SYT9: variants seen among roughly 807,000 people sequenced by gnomAD.
The protein encoded by SYT9 is synaptotagmin-9.
Under a neutral mutation model 48.4 loss-of-function variants are expected in SYT9, and 22 were observed. The observed-to-expected ratio is 0.45, with a 90% CI of 0.32 to 0.65. The LOEUF is 0.65. Ranked by LOEUF, SYT9 falls within the 30% of genes least tolerant of loss-of-function variation. The probability of loss-of-function intolerance (pLI) is 0.03; values close to 1 mark genes in which losing one functional copy is unlikely to be tolerated. For missense variants in SYT9, 577 were observed against 622.0 expected (o/e 0.93, Z 0.77); for synonymous variants, 265 against 245.0 (o/e 1.08, Z -0.76).
At chr11:7,351,181 T>C (rs1327745590) in intron 3 of SYT9, among the ~76,000 whole-genome samples, 1 of 152,242 alleles carries the variant, frequency 6.6e-6, no homozygotes, top group Non-Finnish European at 1.5e-5. Context: ...TGGTTAAGTA[T>C]CATGAACTTT....
At chr11:7,341,083 C>A (rs1196559880) in intron 3 of SYT9, among the ~76,000 whole-genome samples, 1 of 152,194 alleles carries the variant, frequency 6.6e-6, no homozygotes, top group Non-Finnish European at 1.5e-5. Flanking sequence ...AAAACACCAG[C>A]AGAGGTGCTT....
Position 7,252,407 on chromosome 11 carries a change from C to G in SYT9, c.145+76C>G. On this transcript the variant is annotated intron_variant, in intron 1 of 6. Transcript: ENST00000318881. The surrounding 1 kb of genome is among the most constrained non-coding windows in gnomAD (Gnocchi z 6.3). Reference sequence around the variant, plus strand: ...CTTGGGGCCGCACCGGGGCCTGAGGCAGAACAGCGACGCGGACTGGGAGAG... The same window carrying G: ...CTTGGGGCCGCACCGGGGCCTGAGGGAGAACAGCGACGCGGACTGGGAGAG... 7.5e-7 allele frequency: 1 copy of G among 1,335,642 alleles called. No homozygotes were observed. The highest frequency in any genetic ancestry group is 9.6e-7 in the Non-Finnish European group (1 of 1,041,878). 82.7% of individuals were successfully genotyped at this position (1,335,642 alleles called of 1,614,324 possible).
intron 1 of SYT9, among the ~76,000 whole-genome samples, chr11:7,292,926 C>T (rs546239614): frequency 4.1e-4 from 63 of 152,266 alleles, no homozygotes; most frequent in Non-Finnish European, 6.9e-4. Context: ...ATTCCTGAAC[C>T]TTCCTGTTAG....
chr11:7,416,998 GA>G lies in SYT9; in HGVS notation c.1165+846del, dbSNP rs36070110. Among the ~76,000 whole-genome samples the G allele has an allele frequency of 2.9e-3, 437 of 148,576 alleles. 1 individual carries two copies. The highest frequency in any genetic ancestry group is 9.6e-3 in the African/African-American group (389 of 40,556). ...AGCATTAAATTCTGAACTCTAACAA[GA>G]AAAAAAAAATGCCTCTATATGCATT... On this transcript the variant is annotated intron_variant, in intron 4 of 6. Coordinates refer to ENST00000318881, the MANE Select transcript of SYT9 (RefSeq NM_175733.4).
At chr11:7,313,268 CAA>C in intron 2 of SYT9, 125 bp from the exon 3 acceptor site, 1 of 971,876 alleles carries the variant, frequency 1.0e-6, no homozygotes, top group African/African-American at 1.7e-5. Flanking sequence ...CACACACACA[CAA>C]AAAAGGCCCA....
intron 2 of SYT9, 145 bp downstream of exon 2, chr11:7,303,535 G>A (rs1324730965): frequency 1.4e-6 from 1 of 721,434 alleles, no homozygotes; most frequent in East Asian, 2.7e-5. Flanking sequence ...AAAACTCCAT[G>A]CTTCCTACGC....
At chr11:7,347,976 T>G (rs1043923750) in intron 3 of SYT9, among the ~76,000 whole-genome samples, 3 of 152,170 alleles carry the variant, frequency 2.0e-5, no homozygotes, top group African/African-American at 7.2e-5. Context: ...CTAGCTACAT[T>G]TATTTCCCTC....
At chr11:7,315,749 G>A (rs1849232345) in intron 3 of SYT9, among the ~76,000 whole-genome samples, 1 of 152,166 alleles carries the variant, frequency 6.6e-6, no homozygotes, top group Admixed American at 6.5e-5. Flanking sequence ...GCAGGTGATG[G>A]AGACCTTCTG....
chr11:7,443,239 C>T (rs958441562), intron 6 of SYT9, among the ~76,000 whole-genome samples: 6 of 152,198 alleles, frequency 3.9e-5, no homozygotes. Flanking sequence ...AAGCACCCTA[C>T]CTGGCACTGA....
chr11:7,396,122 T>C (rs2134067815), intron 3 of SYT9, among the ~76,000 whole-genome samples: 1 of 152,238 alleles, frequency 6.6e-6, no homozygotes, highest in African/African-American at 2.4e-5. Context: ...TAACCAATTT[T>C]AAGCATATAA....
At chr11:7,359,873 A>G (rs1471378467) in intron 3 of SYT9, among the ~76,000 whole-genome samples, 2 of 151,998 alleles carry the variant, frequency 1.3e-5, no homozygotes, top group African/African-American at 4.8e-5. Flanking sequence ...TGATTTGTCA[A>G]TTTTGGCTTT....
intron 1 of SYT9, among the ~76,000 whole-genome samples, chr11:7,257,477 A>C (rs1039257634): frequency 6.6e-6 from 1 of 152,204 alleles, no homozygotes; most frequent in African/African-American, 2.4e-5. Flanking sequence ...ATGTTAAATT[A>C]TAATGAAGTC....
intron 3 of SYT9, among the ~76,000 whole-genome samples, chr11:7,340,514 C>T (rs1392894619): frequency 6.6e-6 from 1 of 152,170 alleles, no homozygotes; most frequent in Non-Finnish European, 1.5e-5. Flanking sequence ...TGCTGGGCTG[C>T]TTCTGATTGA....
At chr11:7,251,127 CACACA>C (rs372789924), upstream of SYT9, among the ~76,000 whole-genome samples, 12,283 of 150,842 alleles carry the variant, frequency 0.081, 641 homozygotes, top group South Asian at 0.19. Context: ...CACACACACA[CACACA>C]CCCAGAGTAC....
At chr11:7,335,020 G>GTGTATGTC (rs976111241) in intron 3 of SYT9, among the ~76,000 whole-genome samples, 2 of 152,134 alleles carry the variant, frequency 1.3e-5, no homozygotes, top group Non-Finnish European at 2.9e-5. Context: ...TAGATGGTAG[G>GTGTATGTC]TGTATGTCTA....
At chr11:7,349,763 G>T (rs1253657159) in intron 3 of SYT9, among the ~76,000 whole-genome samples, 2 of 152,182 alleles carry the variant, frequency 1.3e-5, no homozygotes, top group Non-Finnish European at 2.9e-5. Flanking sequence ...GTATAGAAGG[G>T]TTCATTACTC....
chr11:7,434,430 A>G lies in SYT9; in HGVS notation c.1467+13795A>G, dbSNP rs1847664559. Among the ~76,000 whole-genome samples, 4 of 152,290 alleles carry G rather than the reference A, an allele frequency of 2.6e-5. No homozygotes were observed. The South Asian group carries it at 8.3e-4, about 32-fold the overall frequency. ...GGGTGGGCTTCTGGTTTTAGAAAAC[A>G]TGATGGTAGAGCTCTTCATAGGAAG... is the stretch of plus-strand genomic sequence containing the variant. On this transcript the variant is annotated intron_variant, in intron 6 of 6. Coordinates refer to ENST00000318881, the MANE Select transcript of SYT9 (RefSeq NM_175733.4).
chr11:7,388,681 A>G (rs911173096), intron 3 of SYT9, among the ~76,000 whole-genome samples: 5 of 152,198 alleles, frequency 3.3e-5, no homozygotes, highest in African/African-American at 1.2e-4. Context: ...TTTTATTATC[A>G]TAGAGTCCAA....
chr11:7,355,142 T>G (rs1849993595), intron 3 of SYT9, among the ~76,000 whole-genome samples: 1 of 152,202 alleles, frequency 6.6e-6, no homozygotes, highest in South Asian at 2.1e-4. Context: ...TACACCTGAC[T>G]CCACCAGAAA....
Sources: allele counts gnomAD v4.1 joint callset (sites outside exome capture counted in the v4.1 genomes callset), GRCh38; gene constraint gnomAD v4.1.1; non-coding constraint Gnocchi (gnomAD v3.1); transcripts MANE v1.5; gene names NCBI Gene and HGNC (gene_info 2026-07-23, HGNC 2026-07-21).